The following NBEA variants were observed in gnomAD, a reference collection of about 807,000 sequenced individuals.
The protein encoded by NBEA is neurobeachin, also known as lysosomal-trafficking regulator 2.
In NBEA, 44 loss-of-function variants were observed where a neutral mutation model predicts 343.4. The observed-to-expected ratio is 0.13, with a 90% CI of 0.10 to 0.16. The LOEUF (loss-of-function observed/expected upper bound fraction) is 0.16. Ranked by LOEUF, NBEA falls within the 10% of genes least tolerant of loss-of-function variation. NBEA has a pLI of 1.00. For missense variants in NBEA, 2,555 were observed against 3,631.3 expected (o/e 0.70, Z 7.62); for synonymous variants, 1,175 against 1,238.7 (o/e 0.95, Z 1.08).
At chr13:35,541,911 C>T (rs1377143325) in intron 41 of NBEA, among the ~76,000 whole-genome samples, 1 of 151,902 alleles carries the variant, frequency 6.6e-6, no homozygotes, top group African/African-American at 2.4e-5. Context: ...CACAATGACC[C>T]CATGAAGTTA....
chr13:35,351,247 A>G lies in NBEA; in HGVS notation c.6013-910A>G, dbSNP rs192251263. On this transcript the variant is annotated intron_variant, in intron 37 of 58. Coordinates refer to ENST00000379939, the MANE Select transcript of NBEA (RefSeq NM_001385012.1). ...TACTTCTATTTATTTTATCAGATGT[A>G]TGAGACTTTTTTCTTCCTAGTTATA... Among the ~76,000 whole-genome samples, 14 of 152,052 alleles carry G rather than the reference A, an allele frequency of 9.2e-5. No individual in the cohort carries two copies. The East Asian group carries it at 2.5e-3, about 27-fold the overall frequency.
intron 44 of NBEA, among the ~76,000 whole-genome samples, chr13:35,561,678 C>T (rs772418200): frequency 2.0e-4 from 30 of 152,088 alleles, no homozygotes; most frequent in Non-Finnish European, 2.4e-4. Flanking sequence ...CTGTATAAAG[C>T]ACATGGTCTC....
rs532617452 is a variant in NBEA, at chr13:35,313,966, T to G, written c.5903+4374T>G. Among the ~76,000 whole-genome samples, 6 of 152,224 alleles carry G rather than the reference T, an allele frequency of 3.9e-5. No homozygotes were observed. In the South Asian group the frequency reaches 1.2e-3, roughly 32 times the overall value. On this transcript the variant is annotated intron_variant, in intron 36 of 58. Transcript: ENST00000379939. ...TTACTTTTTAGAATGAAGAACCTAT[T>G]TTTCAATTTTGATGGAAAAACGCAA...
chr13:35,313,059 T>A (rs913780011), intron 36 of NBEA, among the ~76,000 whole-genome samples: 1 of 151,820 alleles, frequency 6.6e-6, no homozygotes, highest in Non-Finnish European at 1.5e-5. Context: ...TCAGAGAGAG[T>A]GAATAGAGTG....
intron 1 of NBEA, among the ~76,000 whole-genome samples, chr13:35,007,602 C>T (rs1204681663): frequency 6.6e-6 from 1 of 152,160 alleles, no homozygotes; most frequent in Non-Finnish European, 1.5e-5. Flanking sequence ...AGTGATCCTC[C>T]TGCAGCGGCC....
chr13:35,181,806 A>G (rs2071339312), intron 28 of NBEA, among the ~76,000 whole-genome samples: 1 of 151,770 alleles, frequency 6.6e-6, no homozygotes, highest in African/African-American at 2.4e-5. Context: ...GCTTTTTCTT[A>G]TGCTGCCATA....
chr13:35,324,395 A>G (rs1238895042), intron 36 of NBEA, among the ~76,000 whole-genome samples: 2 of 152,228 alleles, frequency 1.3e-5, no homozygotes, highest in Non-Finnish European at 2.9e-5. Context: ...ACAGATCAAT[A>G]TTTGAAAAAC....
At chr13:35,278,753 T>TA (rs1776232453) in intron 34 of NBEA, among the ~76,000 whole-genome samples, 1 of 152,208 alleles carries the variant, frequency 6.6e-6, no homozygotes, top group Non-Finnish European at 1.5e-5. Context: ...AAGAACTATG[T>TA]ATGCTTTAGC....
At chr13:35,568,150 T>C (rs760189835) in intron 45 of NBEA, among the ~76,000 whole-genome samples, 5 of 152,218 alleles carry the variant, frequency 3.3e-5, no homozygotes, top group Non-Finnish European at 1.5e-5. Context: ...TTGTTACACA[T>C]GGAATATTTC....
In NBEA at chr13:35,128,070, A is replaced by G. The variant is rs2067220298; in HGVS notation, c.2336+4496A>G. 2.4e-5 allele frequency among the ~76,000 whole-genome samples: 3 copies of G among 123,332 alleles called. No homozygotes were observed. The South Asian group carries it at 8.4e-4, about 34-fold the overall frequency. 80.9% of individuals were successfully genotyped at this position (123,332 alleles called of 152,430 possible). On this transcript the variant is annotated intron_variant, in intron 17 of 58. Coordinates refer to ENST00000379939, the MANE Select transcript of NBEA (RefSeq NM_001385012.1). The stretch of plus-strand genomic sequence containing the variant: ...ATGAGTAAAGTTTTATTATATAAGT[A>G]CAAAGAAAGCAGAAAGGGGTGGGGG...
At chr13:35,105,930 T>C (rs2065899738) in intron 11 of NBEA, among the ~76,000 whole-genome samples, 1 of 152,092 alleles carries the variant, frequency 6.6e-6, no homozygotes, top group African/African-American at 2.4e-5. Context: ...TAACCTGTTC[T>C]ATTATGGGCT....
At chr13:35,055,762 T>C (rs1274513207) in intron 6 of NBEA, among the ~76,000 whole-genome samples, 1 of 152,154 alleles carries the variant, frequency 6.6e-6, no homozygotes, top group Non-Finnish European at 1.5e-5. Flanking sequence ...AATCTTGGTA[T>C]AGTGGAAGGA....
intron 27 of NBEA, among the ~76,000 whole-genome samples, chr13:35,174,741 G>A (rs534468737): frequency 2.6e-5 from 4 of 151,922 alleles, no homozygotes; most frequent in Admixed American, 1.3e-4. Context: ...ATAGTAGACA[G>A]ATAGGTACTT....
At chr13:35,216,190 C>T (rs1345870540) in intron 33 of NBEA, among the ~76,000 whole-genome samples, 1 of 151,240 alleles carries the variant, frequency 6.6e-6, no homozygotes, top group Admixed American at 6.6e-5. Context: ...GTGAATTCTG[C>T]TCTTATTACT....
At chr13:34,971,007 T>C (rs2059980593) in intron 1 of NBEA, among the ~76,000 whole-genome samples, 1 of 152,060 alleles carries the variant, frequency 6.6e-6, no homozygotes, top group African/African-American at 2.4e-5. Context: ...TATCTATGAG[T>C]GTGGAATGTT....
chr13:35,214,096 G>T, intron 33 of NBEA, among the ~76,000 whole-genome samples: 1 of 151,506 alleles, frequency 6.6e-6, no homozygotes, highest in East Asian at 1.9e-4. Flanking sequence ...CCTTTTTATT[G>T]GTAGGTATTA....
intron 41 of NBEA, among the ~76,000 whole-genome samples, chr13:35,546,531 G>A (rs2079067707): frequency 6.6e-6 from 1 of 151,264 alleles, no homozygotes; most frequent in Non-Finnish European, 1.5e-5. Context: ...GCAGCTGAGA[G>A]GAGTAGATCT....
intron 8 of NBEA, among the ~76,000 whole-genome samples, chr13:35,066,704 CTTATT>C (rs758760134): frequency 4.6e-5 from 7 of 151,754 alleles, no homozygotes; most frequent in Non-Finnish European, 7.4e-5. Context: ...GTTATTGAAT[CTTATT>C]TTATTATCCA....
intron 10 of NBEA, among the ~76,000 whole-genome samples, chr13:35,084,046 C>T (rs2064583977): frequency 6.6e-6 from 1 of 152,082 alleles, no homozygotes; most frequent in South Asian, 2.1e-4. Context: ...TATAGATGCA[C>T]CCAATACAGG....
Sources: gnomAD v4.1 joint callset for allele counts (sites outside exome capture counted in the v4.1 genomes callset) on GRCh38, gnomAD v4.1.1 for gene constraint, MANE v1.5 for transcripts, NCBI Gene and HGNC (gene_info 2026-07-23, HGNC 2026-07-21) for gene names.